SNRNP40: variants seen among roughly 807,000 people sequenced by gnomAD.
SNRNP40 encodes the protein small nuclear ribonucleoprotein U5 subunit 40.
Under a neutral mutation model 45.8 loss-of-function variants are expected in SNRNP40, and 21 were observed. That is an observed-to-expected ratio of 0.46 (90% CI 0.32 to 0.66). SNRNP40 has a LOEUF of 0.66. Among genes scored for constraint, SNRNP40 ranks in the 30% least tolerant of loss-of-function variants. The probability of loss-of-function intolerance (pLI) is 0.03; values close to 1 mark genes in which losing one functional copy is unlikely to be tolerated. For synonymous variants in SNRNP40, 142 were observed against 163.8 expected, an observed-to-expected ratio of 0.87 and a Z score of 1.01; for missense variants, 344 against 439.1, an observed-to-expected ratio of 0.78 and a Z score of 1.94.
intron 8 of SNRNP40, among the ~76,000 whole-genome samples, chr1:31,265,029 G>A (rs1645886608): frequency 6.6e-6 from 1 of 152,180 alleles, no homozygotes; most frequent in African/African-American, 2.4e-5. Flanking sequence ...GCTGCTTCTT[G>A]ACTTGGGGCC....
chr1:31,271,401 C>T lies in SNRNP40; in HGVS notation c.753G>A (p.Leu251=), dbSNP rs1355981092. ...TACCTGTATTGTCCATTGCATTGGA[C>T]AAAAGATAAGAGCCTTCAGAACTTA... ...LSLSSEGSYL[L]SNAMDNTVRV... is the part of the protein sequence containing the mutation. The change falls in exon 6 of 10, where the codon TTG becomes TTA. Residue 251 remains leucine, a synonymous_variant. Transcript: ENST00000263694. 1.2e-6 allele frequency: 2 copies of T among 1,613,736 alleles called. No homozygotes were observed. Among genetic ancestry groups the T allele is most frequent in the Non-Finnish European group, 1.7e-6 (2 of 1,179,904 alleles).
intron 5 of SNRNP40, among the ~76,000 whole-genome samples, chr1:31,273,849 T>C (rs1406602587): frequency 6.6e-6 from 1 of 152,106 alleles, no homozygotes; most frequent in Non-Finnish European, 1.5e-5. Flanking sequence ...AAGGTACAGT[T>C]GCATACGGGT....
At chr1:31,269,309 G>C in intron 6 of SNRNP40, 69 bp from the exon 7 acceptor site, 1 of 1,594,706 alleles carries the variant, frequency 6.3e-7, no homozygotes, top group Non-Finnish European at 8.5e-7. Flanking sequence ...TGGGCACCCA[G>C]CTGAAATTAG....
intron 6 of SNRNP40, 145 bp from the exon 7 acceptor site, chr1:31,269,385 C>T: frequency 7.0e-7 from 1 of 1,433,196 alleles, no homozygotes; most frequent in East Asian, 2.6e-5. Context: ...CATACTGCTA[C>T]CTGTTAAGGC....
At chr1:31,276,973 G>T (rs1402795402) in intron 5 of SNRNP40, among the ~76,000 whole-genome samples, 2 of 152,052 alleles carry the variant, frequency 1.3e-5, no homozygotes, top group African/African-American at 2.4e-5. Context: ...GGTGGAGGTT[G>T]CAGTGAGCTG....
At position 31,264,111 on chromosome 1, in the gene SNRNP40, T is replaced by C. The variant is rs565108645; in HGVS notation, c.921-2479A>G. Among the ~76,000 whole-genome samples the C allele has an allele frequency of 2.6e-5, 4 of 152,260 alleles. No individual in the cohort carries two copies. In the East Asian group the frequency reaches 7.7e-4, roughly 29 times the overall value. Reference sequence around the variant, plus strand: ...TGTGCAATCAACAACTCACCAGTACTTGATCATAAAAATGGTACATTCACC... The same window carrying C: ...TGTGCAATCAACAACTCACCAGTACCTGATCATAAAAATGGTACATTCACC... On this transcript the variant is annotated intron_variant, in intron 8 of 9. Coordinates refer to ENST00000263694, the MANE Select transcript of SNRNP40 (RefSeq NM_004814.3).
intron 4 of SNRNP40, among the ~76,000 whole-genome samples, chr1:31,282,914 G>A (rs1189246920): frequency 2.0e-5 from 3 of 152,230 alleles, no homozygotes; most frequent in Admixed American, 2.0e-4. Flanking sequence ...GGCCTCAAGT[G>A]ATCTGTCTGC....
intron 7 of SNRNP40, among the ~76,000 whole-genome samples, 168 bp downstream of exon 7, chr1:31,268,990 A>C (rs1645918743): frequency 6.6e-6 from 1 of 152,196 alleles, no homozygotes; most frequent in African/African-American, 2.4e-5. Flanking sequence ...CTCCCCAGTC[A>C]CTATTATTTC....
chr1:31,263,539 G>C (rs1218581488), intron 8 of SNRNP40: 6 of 422,780 alleles, frequency 1.4e-5, no homozygotes, highest in Non-Finnish European at 2.7e-5. Context: ...CTAATCCTCT[G>C]AGCCAATGAT....
chr1:31,260,899 A>G, intron 9 of SNRNP40: 1 of 764,722 alleles, frequency 1.3e-6, no homozygotes, highest in Non-Finnish European at 1.7e-6. Flanking sequence ...CTTTTAATCA[A>G]ATACATCATT....
Position 31,259,923 on chromosome 1 carries a change from GTTT to G in SNRNP40, c.*146_*148del. 1.4e-6 allele frequency: 1 copy of G among 719,906 alleles called. No individual in the cohort carries two copies. The highest frequency in any genetic ancestry group is 2.5e-6 in the Non-Finnish European group (1 of 396,816). The allele number at this position is 719,906 out of a possible 1,614,324, so 44.6% of individuals were successfully genotyped here. A position where few individuals can be genotyped will look rare whatever the true frequency, so the allele number is the denominator to read the frequency against. ...ATCCTGGTGAAATGGGACAGAAGTGGTTTTTGGAATATGGCCACCGCCTCCTGT... is the reference window on the plus strand; with the variant it reads ...ATCCTGGTGAAATGGGACAGAAGTGGTTGGAATATGGCCACCGCCTCCTGT... On this transcript the variant is annotated 3_prime_UTR_variant, in exon 10 of 10. Coordinates refer to ENST00000263694, the MANE Select transcript of SNRNP40 (RefSeq NM_004814.3).
Position 31,264,556 on chromosome 1 carries a change from A to C in SNRNP40, c.921-2924T>G, listed in dbSNP as rs77477311. ...AGTTACAATGATGGAGAAAATATTG[A>C]TCTCATAACTTTGTTGAGAAAAATA... On this transcript the variant is annotated intron_variant, in intron 8 of 9. Transcript: ENST00000263694. 5.9e-3 allele frequency among the ~76,000 whole-genome samples: 893 copies of C among 152,322 alleles called. 69 individuals carry two copies. The East Asian group carries it at 0.14, about 25-fold the overall frequency.
rs570094742 is a variant in SNRNP40, at chr1:31,262,027, G to C, written c.921-395C>G. 2.0e-5 allele frequency among the ~76,000 whole-genome samples: 3 copies of C among 152,302 alleles called. No homozygotes were observed. The South Asian group carries it at 6.2e-4, about 32-fold the overall frequency. On this transcript the variant is annotated intron_variant, in intron 8 of 9. Coordinates refer to ENST00000263694, the MANE Select transcript of SNRNP40 (RefSeq NM_004814.3). ...CTAAAAGGTAACCCAACTCATGGCA[G>C]GGTGGGAGCCTAGGCTGCTGATCCA...
rs148927432 is a variant in SNRNP40 at position 31,282,910 on chromosome 1, A to C, written c.532-1414T>G. 6.9e-3 allele frequency among the ~76,000 whole-genome samples: 1,055 copies of C among 152,234 alleles called. 72 individuals carry two copies. In the East Asian group the frequency reaches 0.15, roughly 21 times the overall value. On this transcript the variant is annotated intron_variant, in intron 4 of 9. Transcript: ENST00000263694. ...AGGCTGGTCTCAAACTCCTGGCCTC[A>C]AGTGATCTGTCTGCCTCACCCTCCC...
chr1:31,266,539 C>T (rs1296060891), intron 8 of SNRNP40, among the ~76,000 whole-genome samples: 5 of 152,224 alleles, frequency 3.3e-5, no homozygotes, highest in Non-Finnish European at 2.9e-5. Context: ...CCAAATACAA[C>T]AGCATCTGAC....
chr1:31,267,291 T>C (rs1269667311), intron 8 of SNRNP40, among the ~76,000 whole-genome samples: 1 of 152,140 alleles, frequency 6.6e-6, no homozygotes, highest in Non-Finnish European at 1.5e-5. Flanking sequence ...TAGAGACAGA[T>C]TATGAGACTG....
At chr1:31,268,176 T>A (rs1645912470) in intron 7 of SNRNP40, among the ~76,000 whole-genome samples, 1 of 152,166 alleles carries the variant, frequency 6.6e-6, no homozygotes, top group Non-Finnish European at 1.5e-5. Flanking sequence ...CAAAATTTTG[T>A]TCTACTTATA....
chr1:31,288,979 C>T (rs1019698367), intron 4 of SNRNP40, among the ~76,000 whole-genome samples: 25 of 152,250 alleles, frequency 1.6e-4, no homozygotes, highest in African/African-American at 5.8e-4. Context: ...GATCCACCCG[C>T]CTCGGCCTCC....
chr1:31,282,373 G>A (rs965845355), intron 4 of SNRNP40: 1 of 151,954 alleles, frequency 6.6e-6, no homozygotes, highest in African/African-American at 2.4e-5. Flanking sequence ...AAACAGTTGG[G>A]GCAAAAATAC....
Sources: gnomAD v4.1 joint callset for allele counts (sites outside exome capture counted in the v4.1 genomes callset) on GRCh38, gnomAD v4.1.1 for gene constraint, MANE v1.5 for transcripts, NCBI Gene and HGNC (gene_info 2026-07-23, HGNC 2026-07-21) for gene names.